PMM1: variants seen among roughly 807,000 people sequenced by gnomAD.
PMM1 encodes the protein phosphomannomutase 1.
PMM1 carries 25 observed loss-of-function variants against 34.0 expected under a neutral mutation model. The ratio of observed to expected loss-of-function variants is 0.73; its 90% CI spans 0.54 to 1.03. PMM1 has a LOEUF of 1.03. Ranked by LOEUF, PMM1 falls within the 50% of genes least tolerant of loss-of-function variation. The pLI is 0.00. For missense variants in PMM1, 321 were observed against 350.1 expected (o/e 0.92, Z 0.66); for synonymous variants, 134 against 143.9 (o/e 0.93, Z 0.49).
Position 41,588,980 on chromosome 22 carries a change from A to G in PMM1, c.87+739T>C, listed in dbSNP as rs1179524236. 6 of 1,145,634 alleles carry G rather than the reference A, an allele frequency of 5.2e-6. No individual in the cohort carries two copies. The East Asian group carries it at 1.8e-4, about 33-fold the overall frequency. The allele number at this position is 1,145,634 out of a possible 1,614,324, so 71.0% of individuals were successfully genotyped here. ...GGGGACTCACTCACAATGAGACCCA[A>G]TGGGAGAAAAACTGAGCAGAGGTAA... On this transcript the variant is annotated intron_variant, in intron 1 of 7. Transcript: ENST00000216259.
rs755807920 is a variant in PMM1 at position 41,586,205 on chromosome 22, GA to G, written c.88-13del. ...TCAGGGTCAATTTTCTATGGGGGGAGAGGGGAAGCATAGCATTCTGGCTTTC... is the reference window on the plus strand; with the variant it reads ...TCAGGGTCAATTTTCTATGGGGGGAGGGGGAAGCATAGCATTCTGGCTTTC... On this transcript the variant is annotated splice_polypyrimidine_tract_variant and intron_variant, in intron 1 of 7. Coordinates refer to ENST00000216259, the MANE Select transcript of PMM1 (RefSeq NM_002676.3). 1.2e-5 allele frequency: 20 copies of G among 1,605,522 alleles called. No individual in the cohort carries two copies. Among genetic ancestry groups the G allele is most frequent in the Non-Finnish European group, 1.7e-5 (20 of 1,179,312 alleles).
chr22:41,583,808 G>A, intron 5 of PMM1, 151 bp downstream of exon 5: 1 of 643,172 alleles, frequency 1.6e-6, no homozygotes, highest in Non-Finnish European at 2.8e-6. Flanking sequence ...ATGCAGGTGT[G>A]TCTACAACAA....
chr22:41,587,371 T>G (rs1233093267), intron 1 of PMM1, among the ~76,000 whole-genome samples: 6 of 128,290 alleles, frequency 4.7e-5, no homozygotes, highest in African/African-American at 1.8e-4. Flanking sequence ...ACCCGGGAGG[T>G]GGAGGTTGCA....
chr22:41,577,681 CT>C (rs1034851009), intron 7 of PMM1, 126 bp downstream of exon 7: 6 of 782,262 alleles, frequency 7.7e-6, no homozygotes, highest in African/African-American at 1.7e-5. Context: ...CAGGAGCCCC[CT>C]AAGAGGTCTG....
chr22:41,589,157 T>C (rs766100751), intron 1 of PMM1: 10 of 1,300,058 alleles, frequency 7.7e-6, no homozygotes, highest in Non-Finnish European at 1.0e-5. Context: ...CCCTCTCTGC[T>C]CCACGACTGG....
rs1180784070 is a variant in PMM1, at chr22:41,584,313, G to A, written c.342C>T (p.Ser114=). 1 of 1,614,168 alleles carries A rather than the reference G, an allele frequency of 6.2e-7. No individual in the cohort carries two copies. Among genetic ancestry groups the A allele is most frequent in the South Asian group, 1.1e-5 (1 of 91,086 alleles). Residue 114 remains serine (S), a synonymous_variant, in exon 4 of 8, where the codon AGC becomes AGT. Transcript: ENST00000216259. ...TGGGCAGCCTGAGCAGGGCCATGTA[G>A]CTGAGGCAGAAGTTGATCAAGTCCT... ...LLQDLINFCL[S]YMALLRLPKK... is the part of the protein sequence containing the mutation.
intron 5 of PMM1, chr22:41,580,438 C>T (rs1336163772): frequency 6.6e-6 from 1 of 152,190 alleles, no homozygotes; most frequent in Non-Finnish European, 1.5e-5. Flanking sequence ...TCCCCAACTC[C>T]ATGCCAGGTG....
In PMM1 at chr22:41,583,997, T is replaced by G; in HGVS notation, c.436A>C (p.Thr146Pro). Residue 146 changes from threonine to proline, a missense_variant, in exon 5 of 8, where the codon ACC (threonine) becomes CCC (proline). Transcript: ENST00000216259. ...GAGAACTCGATCCTCTCCTCCAGGG[T>G]GCAGCTCCGGCCGATGGGCGAGATG... ...LNISPIGRSC[T>P]LEERIEFSEL... 6.2e-7 allele frequency: 1 copy of G among 1,613,872 alleles called. No individual in the cohort carries two copies. The highest frequency in any genetic ancestry group is 8.5e-7 in the Non-Finnish European group (1 of 1,179,808).
intron 6 of PMM1, 143 bp from the exon 7 acceptor site, chr22:41,578,066 C>G (rs1201073149): frequency 2.1e-5 from 13 of 630,408 alleles, no homozygotes; most frequent in Non-Finnish European, 3.4e-5. Context: ...GACTTAGGAT[C>G]CTCAAGGAAG....
rs776322425 is a variant in PMM1 at position 41,587,622 on chromosome 22, T to TAAC, written c.88-1432_88-1430dup. Among the ~76,000 whole-genome samples, 7 of 152,062 alleles carry TAAC rather than the reference T, an allele frequency of 4.6e-5. No homozygotes were observed. The South Asian group carries it at 6.3e-4, about 14-fold the overall frequency. On this transcript the variant is annotated intron_variant, in intron 1 of 7. Coordinates refer to ENST00000216259, the MANE Select transcript of PMM1 (RefSeq NM_002676.3). ...AGTGACAGAGTGAGACCCCGGTCTC[T>TAAC]AACAACAACAACAACAAAATAGCAT... is the stretch of plus-strand genomic sequence containing the variant.
chr22:41,577,579 G>A (rs1353579267), intron 7 of PMM1, 139 bp from the exon 8 acceptor site: 2 of 1,031,154 alleles, frequency 1.9e-6, no homozygotes, highest in African/African-American at 1.6e-5. Context: ...GACCTGCCCT[G>A]ACTTGCTGTG....
chr22:41,584,147 ACTT>A, intron 4 of PMM1, 89 bp from the exon 5 acceptor site: 1 of 1,305,622 alleles, frequency 7.7e-7, no homozygotes, highest in South Asian at 1.2e-5. Flanking sequence ...GCCTCCTAGG[ACTT>A]CAAAGGGGAC....
Position 41,586,058 on chromosome 22 carries a change from C to T in PMM1, c.205+18G>A. The T allele has an allele frequency of 6.3e-7, 1 of 1,580,974 alleles. No individual in the cohort carries two copies. Among genetic ancestry groups the T allele is most frequent in the Non-Finnish European group, 8.6e-7 (1 of 1,159,232 alleles). ...CTCTCAAACTCCCCACTCCCTCTAC[C>T]CCCAGCCTCACTCCTACCTTCATCC... On this transcript the variant is annotated intron_variant, in intron 2 of 7. Coordinates refer to ENST00000216259, the MANE Select transcript of PMM1 (RefSeq NM_002676.3).
intron 1 of PMM1, among the ~76,000 whole-genome samples, chr22:41,586,948 T>C (rs2067314834): frequency 7.1e-6 from 1 of 140,896 alleles, no homozygotes; most frequent in Non-Finnish European, 1.5e-5. Context: ...TGAAACTCTG[T>C]TTCTACTAAA....
intron 5 of PMM1, among the ~76,000 whole-genome samples, chr22:41,583,390 G>A (rs756471655): frequency 1.3e-4 from 20 of 152,208 alleles, no homozygotes; most frequent in Non-Finnish European, 2.5e-4. Context: ...GCTGAGGCAG[G>A]AGAATCGCTT....
chr22:41,582,244 G>A (rs1400121100), intron 5 of PMM1, among the ~76,000 whole-genome samples: 1 of 152,098 alleles, frequency 6.6e-6, no homozygotes, highest in East Asian at 1.9e-4. Flanking sequence ...GCCCACTTGA[G>A]GCTAGGAGTT....
At chr22:41,580,445 G>C (rs1048578439) in intron 5 of PMM1, 1 of 152,244 alleles carries the variant, frequency 6.6e-6, no homozygotes, top group Non-Finnish European at 1.5e-5. Context: ...CTCCATGCCA[G>C]GTGGGGTCCA....
At position 41,584,303 on chromosome 22, in the gene PMM1, G is replaced by A; in HGVS notation, c.352C>T (p.Leu118=). The change falls in exon 4 of 8, where the codon CTG becomes TTG. Residue 118 remains leucine (L), a synonymous_variant. Transcript: ENST00000216259. ...LINFCLSYMA[L]LRLPKKRGTF... ...CACCGCTTCTTGGGCAGCCTGAGCAGGGCCATGTAGCTGAGGCAGAAGTTG... is the reference window on the plus strand; with the variant it reads ...CACCGCTTCTTGGGCAGCCTGAGCAAGGCCATGTAGCTGAGGCAGAAGTTG... 1.2e-6 allele frequency: 2 copies of A among 1,614,130 alleles called. No individual in the cohort carries two copies. The highest frequency in any genetic ancestry group is 1.7e-6 in the Non-Finnish European group (2 of 1,179,978).
In PMM1 at chr22:41,583,970, C is replaced by T. The variant is rs150112953; in HGVS notation, c.463G>A (p.Glu155Lys). ...CTLEERIEFS[E>K]LDKKEKIREK... ...ATAGCTAGTGGTACCTTGTCCAGTT[C>T]GGAGAACTCGATCCTCTCCTCCAGG... The change falls in exon 5 of 8, where the codon GAA becomes AAA. Residue 155 changes from glutamate (E) to lysine (K), a missense_variant. By Grantham distance (56) the Glu-to-Lys change is moderately conservative (BLOSUM62 1). Transcript: ENST00000216259. The T allele has an allele frequency of 3.5e-4, 563 of 1,608,622 alleles. 2 individuals carry two copies. Among genetic ancestry groups the T allele is most frequent in the Non-Finnish European group, 4.5e-4 (531 of 1,174,992 alleles).
Sources: gnomAD v4.1 joint callset for allele counts (sites outside exome capture counted in the v4.1 genomes callset) on GRCh38, gnomAD v4.1.1 for gene constraint, MANE v1.5 for transcripts, NCBI Gene and HGNC (gene_info 2026-07-23, HGNC 2026-07-21) for gene names.